Variants in TGIF1 observed in about 807,000 individuals in gnomAD.
TGIF1 encodes TGFB induced factor homeobox 1.
In TGIF1, 4 loss-of-function variants were observed where a neutral mutation model predicts 19.3. The ratio of observed to expected loss-of-function variants is 0.21; its 90% CI spans 0.10 to 0.47. TGIF1 has a LOEUF of 0.47. Among genes scored for constraint, TGIF1 ranks in the 20% least tolerant of loss-of-function variants. The pLI is 0.98. For missense variants in TGIF1, 275 were observed against 341.4 expected, an observed-to-expected ratio of 0.81 and a Z score of 1.53; for synonymous variants, 122 against 129.3, an observed-to-expected ratio of 0.94 and a Z score of 0.38.
chr18:3,449,538 T>TTGGCCCCC, upstream of TGIF1: 5 of 961,936 alleles, frequency 5.2e-6, no homozygotes, highest in South Asian at 4.9e-5. Context: ...GTCTCATCAT[T>TTGGCCCCC]CCCCCCCGCC....
chr18:3,456,806 C>T lies in TGIF1; in HGVS notation c.243+226C>T. 1 of 649,666 alleles carries T rather than the reference C, an allele frequency of 1.5e-6. No homozygotes were observed. 40.2% of individuals were successfully genotyped at this position (649,666 alleles called of 1,614,324 possible). On this transcript the variant is annotated intron_variant, in intron 2 of 2. Transcript: ENST00000343820. This position sits in a 1 kb window ranked among gnomAD's most constrained non-coding sequence, Gnocchi z 4.2. ...GCATTTCCTTTAATGCCTAAAAGAA[C>T]CTTCCTTTATGCAACAGACATTAAA...
intron 2 of TGIF1, among the ~76,000 whole-genome samples, chr18:3,439,284 G>A (rs1041440154): frequency 2.0e-5 from 3 of 151,526 alleles, no homozygotes; most frequent in African/African-American, 7.3e-5. Flanking sequence ...AGTAAAAAAA[G>A]CAAAACAAAC....
At chr18:3,429,053 C>T (rs1301991008) in intron 2 of TGIF1, among the ~76,000 whole-genome samples, 1 of 145,476 alleles carries the variant, frequency 6.9e-6, no homozygotes, top group East Asian at 2.0e-4. Context: ...ACTCCGTCTC[C>T]AAAAAAAAAA....
chr18:3,450,316 C>T lies in TGIF1; in HGVS notation c.-174C>T. 6.9e-7 allele frequency: 1 copy of T among 1,453,322 alleles called. No homozygotes were observed. Among genetic ancestry groups the T allele is most frequent in the East Asian group, 2.5e-5 (1 of 39,904 alleles). The allele number at this position is 1,453,322 out of a possible 1,614,324, so 90.0% of individuals were successfully genotyped here. ...AAGCCCAAGTGTCACTTGAATTCCA[C>T]CCAAGGAGCGGGCGCCTGGGATCAG... On this transcript the variant is annotated 5_prime_UTR_variant, in exon 1 of 3. Coordinates refer to ENST00000343820, the MANE Select transcript of TGIF1 (RefSeq NM_003244.4).
intron 2 of TGIF1, among the ~76,000 whole-genome samples, chr18:3,423,215 G>A (rs902044843): frequency 3.9e-5 from 6 of 152,050 alleles, no homozygotes; most frequent in East Asian, 1.9e-4. Flanking sequence ...TCTCCCCGTC[G>A]TTGATGCATG....
chr18:3,431,198 G>A (rs2082542449), intron 2 of TGIF1, among the ~76,000 whole-genome samples: 1 of 152,216 alleles, frequency 6.6e-6, no homozygotes, highest in South Asian at 2.1e-4. Flanking sequence ...TTTAATCCCA[G>A]CACTTCGGGA....
upstream of TGIF1, chr18:3,448,073 CG>C (rs34135793): frequency 8.1e-5 from 77 of 947,716 alleles, no homozygotes; most frequent in African/African-American, 2.1e-4. Context: ...CTAAAGCGGG[CG>C]GGGGGGGAGG....
At chr18:3,453,312 C>T (rs1355667521) in intron 1 of TGIF1, among the ~76,000 whole-genome samples, 1 of 152,128 alleles carries the variant, frequency 6.6e-6, no homozygotes, top group Non-Finnish European at 1.5e-5. Flanking sequence ...CGACTTTTCC[C>T]ATCAATCTTA....
upstream of TGIF1, chr18:3,449,710 GGCGGCTGTCTCGTGCGGCTAGA>G: frequency 8.1e-6 from 8 of 985,468 alleles, no homozygotes; most frequent in Non-Finnish European, 9.6e-6. Context: ...TTGAATCAGA[GGCGGCTGTCTCGTGCGGCTAGA>G]GCAGGGCCAG....
At chr18:3,424,450 CAT>C (rs1268374889) in intron 2 of TGIF1, among the ~76,000 whole-genome samples, 4 of 152,180 alleles carry the variant, frequency 2.6e-5, no homozygotes, top group Non-Finnish European at 5.9e-5. Flanking sequence ...TAACTGAGGT[CAT>C]TCTCATATCA....
rs1463599229 is a variant in TGIF1 at position 3,451,092 on chromosome 18, A to G, written c.16+587A>G. 6.6e-6 allele frequency among the ~76,000 whole-genome samples: 1 copy of G among 152,058 alleles called. No homozygotes were observed. The highest frequency in any genetic ancestry group is 1.5e-5 in the Non-Finnish European group (1 of 68,008). On this transcript the variant is annotated intron_variant, in intron 1 of 2. Transcript: ENST00000343820. This position sits in a 1 kb window ranked among gnomAD's most constrained non-coding sequence, Gnocchi z 5.4. ...CCCCTCATCGCCCTCGGGTGTAAAC[A>G]GCTTTGGAAAGCTAGACTTTTACAA...
At chr18:3,422,702 T>G (rs2082420345) in intron 2 of TGIF1, among the ~76,000 whole-genome samples, 1 of 142,494 alleles carries the variant, frequency 7.0e-6, no homozygotes, top group Non-Finnish European at 1.5e-5. Flanking sequence ...TTTTTTTTTT[T>G]TTTTTTGAGA....
intron 1 of TGIF1, chr18:3,455,051 C>T (rs1420348244): frequency 6.6e-6 from 1 of 152,074 alleles, no homozygotes; most frequent in Non-Finnish European, 1.5e-5. Flanking sequence ...AAATTACATA[C>T]TACAGAGGAA....
upstream of TGIF1, chr18:3,449,538 T>TGCCCCCC (rs1555649222): frequency 2.9e-5 from 28 of 963,108 alleles, no homozygotes; most frequent in African/African-American, 3.7e-5. Context: ...GTCTCATCAT[T>TGCCCCCC]CCCCCCCGCC....
intron 2 of TGIF1, among the ~76,000 whole-genome samples, chr18:3,432,167 G>A (rs570485706): frequency 2.8e-5 from 4 of 145,140 alleles, no homozygotes; most frequent in African/African-American, 7.5e-5. Flanking sequence ...TAAGGAAGGC[G>A]AAATATCAAT....
chr18:3,423,314 T>C (rs1301337935), intron 2 of TGIF1, among the ~76,000 whole-genome samples: 1 of 152,082 alleles, frequency 6.6e-6, no homozygotes, highest in Non-Finnish European at 1.5e-5. Flanking sequence ...TGGGAAGCTG[T>C]GGCAGGAGGG....
At chr18:3,441,749 C>T (rs1373966349) in intron 2 of TGIF1, among the ~76,000 whole-genome samples, 3 of 151,906 alleles carry the variant, frequency 2.0e-5, no homozygotes, top group Non-Finnish European at 4.4e-5. Context: ...GTCAATTATC[C>T]CAATTCAATT....
chr18:3,448,417 C>T (rs898797776), upstream of TGIF1: 3 of 995,220 alleles, frequency 3.0e-6, no homozygotes, highest in African/African-American at 3.5e-5. Context: ...TGTCCCGCAC[C>T]GGGCGCAGCA....
intron 2 of TGIF1, among the ~76,000 whole-genome samples, chr18:3,423,676 CCCA>C (rs2082435588): frequency 1.3e-5 from 2 of 151,540 alleles, no homozygotes; most frequent in Non-Finnish European, 1.5e-5. Flanking sequence ...GAGCGAGACT[CCCA>C]TCTCAAAAAA....
Sources: allele counts gnomAD v4.1 joint callset (sites outside exome capture counted in the v4.1 genomes callset), GRCh38; gene constraint gnomAD v4.1.1; non-coding constraint Gnocchi (gnomAD v3.1); transcripts MANE v1.5; gene names NCBI Gene and HGNC (gene_info 2026-07-23, HGNC 2026-07-21).